Variants in FLVCR1 observed in about 807,000 individuals in gnomAD.
The protein encoded by FLVCR1 is choline/ethanolamine transporter FLVCR1.
A neutral mutation model predicts 53.6 loss-of-function variants in FLVCR1; 34 were observed. That is an observed-to-expected ratio of 0.63 (90% CI 0.48 to 0.84). The LOEUF is 0.84. Among genes scored for constraint, FLVCR1 ranks in the 40% least tolerant of loss-of-function variants. The pLI, the probability that FLVCR1 is intolerant of heterozygous loss-of-function variation, is 0.00. For missense variants in FLVCR1, 677 were observed against 696.7 expected (o/e 0.97, Z 0.32); for synonymous variants, 300 against 286.3 (o/e 1.05, Z -0.48).
At chr1:212,882,093 T>C (rs1370857575) in intron 3 of FLVCR1, among the ~76,000 whole-genome samples, 1 of 152,192 alleles carries the variant, frequency 6.6e-6, no homozygotes, top group Non-Finnish European at 1.5e-5. Flanking sequence ...ACAACTACTT[T>C]GAAGAGCAAA....
intron 4 of FLVCR1, among the ~76,000 whole-genome samples, chr1:212,884,312 G>T (rs189714036): frequency 3.9e-5 from 6 of 151,932 alleles, no homozygotes; most frequent in Non-Finnish European, 8.8e-5. Flanking sequence ...AAAAAAACAG[G>T]CTGGGCGCCG....
At chr1:212,861,664 T>G (rs536735409) in intron 1 of FLVCR1, among the ~76,000 whole-genome samples, 24 of 151,990 alleles carry the variant, frequency 1.6e-4, no homozygotes, top group African/African-American at 5.8e-4. Flanking sequence ...TTGTTTTATT[T>G]TTATTTATTT....
intron 8 of FLVCR1, among the ~76,000 whole-genome samples, chr1:212,891,576 T>C (rs952582146): frequency 6.6e-6 from 1 of 152,050 alleles, no homozygotes; most frequent in African/African-American, 2.4e-5. Context: ...GAAGTGAAAA[T>C]AGATCTTTAA....
rs375807663 is a variant in FLVCR1 at position 212,872,837 on chromosome 1, C to T, written c.1024+19C>T. 5.0e-6 allele frequency: 8 copies of T among 1,612,900 alleles called. No individual in the cohort carries two copies. Among genetic ancestry groups the T allele is most frequent in the Non-Finnish European group, 6.8e-6 (8 of 1,179,310 alleles). Reference sequence around the variant, plus strand: ...ACTTATGGTAAGTGGTTTTCTTGTACTTTCTTTAATGTCTGTGTGAGCCTT... The same window carrying T: ...ACTTATGGTAAGTGGTTTTCTTGTATTTTCTTTAATGTCTGTGTGAGCCTT... On this transcript the variant is annotated intron_variant, in intron 3 of 9. Coordinates refer to ENST00000366971, the MANE Select transcript of FLVCR1 (RefSeq NM_014053.4).
rs1664135918 is a variant in FLVCR1 at position 212,859,094 on chromosome 1, G to C, written c.642G>C (p.Gln214His). Reference protein sequence around the residue: ...MLGQCLCSVAQVFILGLPSRI... With the variant: ...MLGQCLCSVAHVFILGLPSRI... ...GCCAGTGCTTGTGCTCGGTGGCCCA[G>C]GTGTTCATCCTGGGCTTGCCCTCCC... The change falls in exon 1 of 10, where the codon CAG becomes CAC. Residue 214 changes from glutamine (Q) to histidine (H), a missense_variant. Coordinates refer to ENST00000366971, the MANE Select transcript of FLVCR1 (RefSeq NM_014053.4). 2 of 1,613,854 alleles carry C rather than the reference G, an allele frequency of 1.2e-6. No individual in the cohort carries two copies.
intron 4 of FLVCR1, among the ~76,000 whole-genome samples, chr1:212,884,074 G>A (rs547435564): frequency 5.3e-5 from 8 of 152,110 alleles, no homozygotes; most frequent in African/African-American, 1.9e-4. Context: ...TTGGAAGGCC[G>A]AGGCGGGTGG....
chr1:212,887,407 C>G (rs931665885), intron 5 of FLVCR1, among the ~76,000 whole-genome samples: 11 of 152,138 alleles, frequency 7.2e-5, no homozygotes, highest in African/African-American at 2.7e-4. Context: ...ATTATGTGAT[C>G]CCTGTTCTTA....
At position 212,858,531 on chromosome 1, in the gene FLVCR1, A is replaced by C. The variant is rs777071598; in HGVS notation, c.79A>C (p.Arg27=). 50 of 1,460,734 alleles carry C rather than the reference A, an allele frequency of 3.4e-5. 1 individual carries two copies. The South Asian group carries it at 6.5e-4, about 19-fold the overall frequency. 90.5% of individuals were successfully genotyped at this position (1,460,734 alleles called of 1,614,324 possible). A position where few individuals can be genotyped will look rare whatever the true frequency, so the allele number is the denominator to read the frequency against. ...CGCGAAAGGATACCTCCCGTTGCCG[A>C]GGGGCGCGCCCGTTGGGAAGGAGAG... ...PLAKGYLPLP[R]GAPVGKESVE... The change falls in exon 1 of 10, where the codon AGG becomes CGG. Residue 27 remains arginine (R), a synonymous_variant. Coordinates refer to ENST00000366971, the MANE Select transcript of FLVCR1 (RefSeq NM_014053.4).
In FLVCR1 at chr1:212,878,198, A is replaced by G. The variant is rs1466428855; in HGVS notation, c.1025-5173A>G. Among the ~76,000 whole-genome samples the G allele has an allele frequency of 3.3e-5, 5 of 152,148 alleles. No individual in the cohort carries two copies. In the East Asian group the frequency reaches 7.7e-4, roughly 23 times the overall value. ...TACAGAAAATGTTTAGTGATCACCCATCTATTAAAATAATACAAGAGAGAC... is the reference window on the plus strand; with the variant it reads ...TACAGAAAATGTTTAGTGATCACCCGTCTATTAAAATAATACAAGAGAGAC... On this transcript the variant is annotated intron_variant, in intron 3 of 9. Coordinates refer to ENST00000366971, the MANE Select transcript of FLVCR1 (RefSeq NM_014053.4).
chr1:212,859,167 G>C lies in FLVCR1; in HGVS notation c.715G>C (p.Ala239Pro), dbSNP rs756282048. 9 of 1,613,884 alleles carry C rather than the reference G, an allele frequency of 5.6e-6. No homozygotes were observed. The highest frequency in any genetic ancestry group is 2.2e-5 in the South Asian group (2 of 91,068). The change falls in exon 1 of 10, where the codon GCC becomes CCC. Residue 239 changes from alanine (A) to proline (P), a missense_variant. Ala to Pro is a conservative substitution (Grantham distance 27). Coordinates refer to ENST00000366971, the MANE Select transcript of FLVCR1 (RefSeq NM_014053.4). ...GCCCAAAGAGGTGTCCACAGCTTGT[G>C]CCACCGCCGTGCTGGGCAATCAGGT... ...FGPKEVSTAC[A>P]TAVLGNQLGT... is the part of the protein sequence containing the mutation.
intron 5 of FLVCR1, 177 bp downstream of exon 5, chr1:212,885,573 C>T (rs113662843): frequency 3.2e-5 from 9 of 278,572 alleles, no homozygotes; most frequent in African/African-American, 1.3e-4. Flanking sequence ...TTTTTTGAGA[C>T]GGAGTCTCGT....
At chr1:212,877,137 T>C (rs1394231096) in intron 3 of FLVCR1, among the ~76,000 whole-genome samples, 55 of 46,240 alleles carry the variant, frequency 1.2e-3, no homozygotes, top group Non-Finnish European at 2.9e-3. Context: ...ATGTCTTTTT[T>C]TTTTTTTTTT....
rs570638129 is a variant in FLVCR1, at chr1:212,868,193, G to A, written c.883+4324G>A. On this transcript the variant is annotated intron_variant, in intron 2 of 9. Coordinates refer to ENST00000366971, the MANE Select transcript of FLVCR1 (RefSeq NM_014053.4). The stretch of plus-strand genomic sequence containing the variant: ...CACTGCACCCTTGATCTCCTGGCCA[G>A]CCTTAAGCAATCTTCCTACCTCAGC... Among the ~76,000 whole-genome samples the A allele has an allele frequency of 1.8e-4, 27 of 152,000 alleles. No individual in the cohort carries two copies. The South Asian group carries it at 5.2e-3, about 29-fold the overall frequency.
intron 2 of FLVCR1, among the ~76,000 whole-genome samples, chr1:212,865,985 T>G (rs1463928683): frequency 1.4e-4 from 9 of 65,686 alleles, no homozygotes; most frequent in East Asian, 6.2e-4. Flanking sequence ...GGTTTGGTTT[T>G]TTTTTTTTTT....
intron 3 of FLVCR1, among the ~76,000 whole-genome samples, chr1:212,879,974 A>AT (rs34468539): frequency 0.015 from 2,243 of 148,972 alleles, 60 homozygotes; most frequent in African/African-American, 0.053. Context: ...ATAACATAGT[A>AT]TTTTTTTTTT....
At chr1:212,875,781 C>T (rs1215142038) in intron 3 of FLVCR1, among the ~76,000 whole-genome samples, 1 of 150,238 alleles carries the variant, frequency 6.7e-6, no homozygotes, top group African/African-American at 2.4e-5. Context: ...GCAAAGGTTG[C>T]AGTAAGCTGA....
intron 2 of FLVCR1, among the ~76,000 whole-genome samples, chr1:212,868,994 C>T (rs1395933174): frequency 6.6e-6 from 1 of 152,160 alleles, no homozygotes; most frequent in Admixed American, 6.5e-5. Context: ...AGGATTCAAA[C>T]ATTTATTTGT....
At chr1:212,875,303 A>G (rs901011257) in intron 3 of FLVCR1, among the ~76,000 whole-genome samples, 5 of 152,242 alleles carry the variant, frequency 3.3e-5, no homozygotes, top group Admixed American at 3.3e-4. Flanking sequence ...GATGAGTTGT[A>G]TGGCAAGTGC....
At chr1:212,869,958 G>A (rs1664548563) in intron 2 of FLVCR1, 1 of 152,210 alleles carries the variant, frequency 6.6e-6, no homozygotes, top group Admixed American at 6.5e-5. Context: ...TGACTACCTT[G>A]TAAGCATAGT....
Sources: gnomAD v4.1 joint callset for allele counts (sites outside exome capture counted in the v4.1 genomes callset) on GRCh38, gnomAD v4.1.1 for gene constraint, MANE v1.5 for transcripts, NCBI Gene and HGNC (gene_info 2026-07-23, HGNC 2026-07-21) for gene names.